Variants in NALF1 observed in about 807,000 individuals in gnomAD.
NALF1 encodes NALCN channel auxiliary factor 1.
Under a neutral mutation model 48.4 loss-of-function variants are expected in NALF1, and 3 were observed. The ratio of observed to expected loss-of-function variants is 0.06; its 90% CI spans 0.03 to 0.16. NALF1 has a LOEUF of 0.16. Among genes scored for constraint, NALF1 ranks in the 10% least tolerant of loss-of-function variants. NALF1 has a pLI of 1.00. For synonymous variants in NALF1, 262 were observed against 245.7 expected, an observed-to-expected ratio of 1.07 and a Z score of -0.62; for missense variants, 526 against 571.5, an observed-to-expected ratio of 0.92 and a Z score of 0.81.
intron 1 of NALF1, among the ~76,000 whole-genome samples, chr13:107,552,014 A>G (rs957178536): frequency 6.6e-6 from 1 of 152,174 alleles, no homozygotes; most frequent in Non-Finnish European, 1.5e-5. Flanking sequence ...TCAAAGTGTC[A>G]AGAAGTAAAA....
intron 1 of NALF1, among the ~76,000 whole-genome samples, chr13:107,218,054 CT>C (rs1232233709): frequency 2.0e-5 from 3 of 152,180 alleles, no homozygotes; most frequent in Non-Finnish European, 4.4e-5. Flanking sequence ...AGACTCATCT[CT>C]GCCCACTCCC....
intron 1 of NALF1, among the ~76,000 whole-genome samples, chr13:107,621,372 T>C (rs1193040425): frequency 6.6e-6 from 1 of 152,338 alleles, no homozygotes; most frequent in African/African-American, 2.4e-5. Flanking sequence ...AGTTTTCTAA[T>C]ATCTATCAAG....
chr13:107,305,239 C>A (rs1881912568), intron 1 of NALF1, among the ~76,000 whole-genome samples: 1 of 152,140 alleles, frequency 6.6e-6, no homozygotes, highest in Non-Finnish European at 1.5e-5. Flanking sequence ...TTTTTTTCTT[C>A]ACTTCTTTTA....
At chr13:107,360,447 G>A (rs973986476) in intron 1 of NALF1, among the ~76,000 whole-genome samples, 1 of 152,022 alleles carries the variant, frequency 6.6e-6, no homozygotes, top group African/African-American at 2.4e-5. Flanking sequence ...GAAAATTGGT[G>A]GAGTCTTAGT....
At position 107,283,497 on chromosome 13, in the gene NALF1, C is replaced by T. The variant is rs568152045; in HGVS notation, c.916-72742G>A. Among the ~76,000 whole-genome samples, 5 of 152,062 alleles carry T rather than the reference C, an allele frequency of 3.3e-5. No individual in the cohort carries two copies. In the East Asian group the frequency reaches 7.7e-4, roughly 24 times the overall value. On this transcript the variant is annotated intron_variant, in intron 1 of 2. Transcript: ENST00000375915. The stretch of plus-strand genomic sequence containing the variant: ...AAATCGGTTAAAAAAATATGAGTGG[C>T]GCTTCAGGTTGCTCTTGCCTCACCT...
Position 107,438,827 on chromosome 13 carries a change from C to CAAAAAAAAAAAAAAAAAAAAAAA in NALF1, c.916-228095_916-228073dup, listed in dbSNP as rs61686895. ...TGGATGACAGAGTGAGACTCCATCTCAAAAAAAAAAAAAAAAAAAAAAAAG... is the reference window on the plus strand; with the variant it reads ...TGGATGACAGAGTGAGACTCCATCTCAAAAAAAAAAAAAAAAAAAAAAAAAAAAAAAAAAAAAAAAAAAAAAAG... On this transcript the variant is annotated intron_variant, in intron 1 of 2. Coordinates refer to ENST00000375915, the MANE Select transcript of NALF1 (RefSeq NM_001080396.3). Among the ~76,000 whole-genome samples, 22 of 17,954 alleles carry CAAAAAAAAAAAAAAAAAAAAAAA rather than the reference C, an allele frequency of 1.2e-3. 2 individuals are homozygous for CAAAAAAAAAAAAAAAAAAAAAAA. The highest frequency in any genetic ancestry group is 2.1e-3 in the Admixed American group (2 of 958). 11.8% of individuals were successfully genotyped at this position (17,954 alleles called of 152,430 possible).
At chr13:107,331,855 TATA>T (rs1882475710) in intron 1 of NALF1, among the ~76,000 whole-genome samples, 1 of 152,110 alleles carries the variant, frequency 6.6e-6, no homozygotes, top group Non-Finnish European at 1.5e-5. Flanking sequence ...CATAAGACAT[TATA>T]ATTTTATATA....
chr13:107,497,924 G>T (rs1875392595), intron 1 of NALF1, among the ~76,000 whole-genome samples: 1 of 152,150 alleles, frequency 6.6e-6, no homozygotes, highest in Non-Finnish European at 1.5e-5. Context: ...GTCAATAATT[G>T]TAAGCTTTAT....
At chr13:107,850,142 G>A (rs1253494572) in intron 1 of NALF1, among the ~76,000 whole-genome samples, 1 of 152,090 alleles carries the variant, frequency 6.6e-6, no homozygotes, top group Non-Finnish European at 1.5e-5. Context: ...TAATTATCAG[G>A]CCTACTTCAC....
chr13:107,357,249 C>A (rs1882979433), intron 1 of NALF1, among the ~76,000 whole-genome samples: 1 of 152,080 alleles, frequency 6.6e-6, no homozygotes, highest in Non-Finnish European at 1.5e-5. Flanking sequence ...CAAGCACAGA[C>A]CTTCTCATAT....
chr13:107,298,943 TTCCCCTAATG>T (rs1481260819), intron 1 of NALF1, among the ~76,000 whole-genome samples: 1 of 152,186 alleles, frequency 6.6e-6, no homozygotes, highest in Non-Finnish European at 1.5e-5. Flanking sequence ...TACCATTTTT[TTCCCCTAATG>T]TTCTTTTTCT....
chr13:107,550,570 G>T (rs4772884), intron 1 of NALF1, among the ~76,000 whole-genome samples: 1 of 151,886 alleles, frequency 6.6e-6, no homozygotes, highest in African/African-American at 2.4e-5. Flanking sequence ...TCTTTTCCTC[G>T]TTATTCAAAA....
At chr13:107,818,144 C>G (rs1299924548) in intron 1 of NALF1, among the ~76,000 whole-genome samples, 2 of 152,172 alleles carry the variant, frequency 1.3e-5, no homozygotes, top group Non-Finnish European at 2.9e-5. Flanking sequence ...CATCAACAAG[C>G]ATTTTCTGAC....
intron 2 of NALF1, among the ~76,000 whole-genome samples, chr13:107,190,300 T>C (rs1879255169): frequency 6.6e-6 from 1 of 152,210 alleles, no homozygotes; most frequent in Non-Finnish European, 1.5e-5. Context: ...ATTTCCTGCT[T>C]TTCTTTGTAA....
intron 1 of NALF1, among the ~76,000 whole-genome samples, chr13:107,579,676 T>TTTC (rs79084803): frequency 0.98 from 146,208 of 149,474 alleles, 71,476 homozygotes; most frequent in Middle Eastern, 1. Flanking sequence ...TGATTTCATA[T>TTTC]TTTTTTTTTA....
Position 107,294,610 on chromosome 13 carries a change from G to A in NALF1, c.916-83855C>T, listed in dbSNP as rs527307122. ...TTTCATTCATATAATGCTTAACAAC[G>A]CTATGGGGTTTATACTCATATCGTC... On this transcript the variant is annotated intron_variant, in intron 1 of 2. Transcript: ENST00000375915. Among the ~76,000 whole-genome samples the A allele has an allele frequency of 1.1e-4, 17 of 152,218 alleles. 1 individual carries two copies. The highest frequency in any genetic ancestry group is 6.2e-4 in the South Asian group (3 of 4,822).
chr13:107,322,111 T>C (rs1456869765), intron 1 of NALF1, among the ~76,000 whole-genome samples: 2 of 152,172 alleles, frequency 1.3e-5, no homozygotes, highest in Non-Finnish European at 2.9e-5. Flanking sequence ...TTTCCAGGGA[T>C]AACAGTTATT....
chr13:107,298,206 C>T (rs1001679786), intron 1 of NALF1, among the ~76,000 whole-genome samples: 24 of 151,172 alleles, frequency 1.6e-4, no homozygotes, highest in Non-Finnish European at 3.1e-4. Flanking sequence ...CAAAATTAGC[C>T]GGGTGTGTTG....
At chr13:107,274,614 A>T (rs1881243472) in intron 1 of NALF1, among the ~76,000 whole-genome samples, 1 of 152,332 alleles carries the variant, frequency 6.6e-6, no homozygotes, top group Non-Finnish European at 1.5e-5. Context: ...AAAGCAAAAC[A>T]AACAAAAGGT....
Sources: allele counts gnomAD v4.1 joint callset (sites outside exome capture counted in the v4.1 genomes callset), GRCh38; gene constraint gnomAD v4.1.1; transcripts MANE v1.5; gene names NCBI Gene and HGNC (gene_info 2026-07-23, HGNC 2026-07-21).